The following PLCB4 variants were observed in gnomAD, a reference collection of about 807,000 sequenced individuals.
PLCB4 encodes the protein phospholipase C beta 4.
A neutral mutation model predicts 178.8 loss-of-function variants in PLCB4; 77 were observed. The ratio of observed to expected loss-of-function variants is 0.43; its 90% CI spans 0.36 to 0.52. The LOEUF is 0.52. PLCB4 is among the 20% of genes least tolerant of loss of function. The probability of loss-of-function intolerance (pLI) is 0.00; values close to 1 mark genes in which losing one functional copy is unlikely to be tolerated. For missense variants in PLCB4, 1,024 were observed against 1,453.4 expected (o/e 0.70, Z 4.80); for synonymous variants, 496 against 490.8 (o/e 1.01, Z -0.14).
rs145645171 is a variant in PLCB4 at position 9,389,853 on chromosome 20, A to G, written c.1159-26A>G. On this transcript the variant is annotated intron_variant, in intron 15 of 39. Coordinates refer to ENST00000378473, the MANE Select transcript of PLCB4 (RefSeq NM_001377142.1). ...CTTAATTTTTTTGCTCTTTTCTCTCATTAACGTTTTTTTTTGTTTTTAAAG... is the reference window on the plus strand; with the variant it reads ...CTTAATTTTTTTGCTCTTTTCTCTCGTTAACGTTTTTTTTTGTTTTTAAAG... The G allele has an allele frequency of 7.0e-4, 945 of 1,358,110 alleles. 6 individuals carry two copies. In the African/African-American group the frequency reaches 0.012, roughly 17 times the overall value. 84.1% of individuals were successfully genotyped at this position (1,358,110 alleles called of 1,614,324 possible).
chr20:9,092,853 G>T (rs1416424412), intron 1 of PLCB4, among the ~76,000 whole-genome samples: 1 of 152,098 alleles, frequency 6.6e-6, no homozygotes, highest in African/African-American at 2.4e-5. Flanking sequence ...CTTTCTCAGA[G>T]CTCTCTCTCT....
In PLCB4 at chr20:9,300,067, C is replaced by T. The variant is rs184792421; in HGVS notation, c.-15-7733C>T. Among the ~76,000 whole-genome samples, 714 of 152,032 alleles carry T rather than the reference C, an allele frequency of 4.7e-3. 4 individuals are homozygous for T. The highest frequency in any genetic ancestry group is 6.8e-3 in the Middle Eastern group (2 of 292). On this transcript the variant is annotated intron_variant, in intron 3 of 39. Transcript: ENST00000378473. ...ATTAGATTCTTACTGGAGGTAAAGC[C>T]ATTTATTTAAAAGCCCTGGATGATC...
At chr20:9,381,998 A>G (rs2037182471) in intron 13 of PLCB4, among the ~76,000 whole-genome samples, 1 of 152,164 alleles carries the variant, frequency 6.6e-6, no homozygotes, top group Non-Finnish European at 1.5e-5. Context: ...AGCTTACACT[A>G]CAGACTTGTA....
intron 2 of PLCB4, among the ~76,000 whole-genome samples, chr20:9,151,812 C>T (rs1300784221): frequency 6.6e-6 from 1 of 152,114 alleles, no homozygotes; most frequent in East Asian, 1.9e-4. Context: ...GTTTGAAGGG[C>T]TCAGAAGAAG....
chr20:9,301,896 T>C (rs1161755008), intron 3 of PLCB4, among the ~76,000 whole-genome samples: 1 of 151,976 alleles, frequency 6.6e-6, no homozygotes, highest in Non-Finnish European at 1.5e-5. Context: ...TGCGACTATT[T>C]AAAAGCCTTC....
intron 7 of PLCB4, among the ~76,000 whole-genome samples, chr20:9,348,222 A>G (rs1430461024): frequency 6.6e-6 from 1 of 152,174 alleles, no homozygotes; most frequent in Non-Finnish European, 1.5e-5. Context: ...TTAAAGGTTG[A>G]GAGATCCTGA....
intron 3 of PLCB4, among the ~76,000 whole-genome samples, chr20:9,300,446 C>A (rs1216191079): frequency 6.6e-6 from 1 of 152,124 alleles, no homozygotes; most frequent in Non-Finnish European, 1.5e-5. Flanking sequence ...CAAGTAGAAG[C>A]AAATGCTTTT....
At position 9,365,484 on chromosome 20, in the gene PLCB4, C is replaced by G; in HGVS notation, c.473C>G (p.Thr158Ser). The change falls in exon 9 of 40, where the codon ACC becomes AGC. Residue 158 changes from threonine to serine, a missense_variant. Transcript: ENST00000378473. ...KKHWMKLAFM[T>S]NTNGKIPVRS... ...AGCTGGATGAAATTGGCATTTATGA[C>G]CAACACAAATGGTAAAATTCCAGTT... 6.2e-7 allele frequency: 1 copy of G among 1,608,450 alleles called. No homozygotes were observed.
chr20:9,109,450 G>A (rs1226472305), intron 2 of PLCB4, among the ~76,000 whole-genome samples: 1 of 150,742 alleles, frequency 6.6e-6, no homozygotes, highest in Non-Finnish European at 1.5e-5. Context: ...ATGAGTGTGG[G>A]AAATAAATAA....
At chr20:9,072,063 A>G (rs904985219) in intron 1 of PLCB4, among the ~76,000 whole-genome samples, 1 of 152,214 alleles carries the variant, frequency 6.6e-6, no homozygotes, top group Admixed American at 6.5e-5. Context: ...GTTGCTTTTC[A>G]CCTCATAATA....
intron 4 of PLCB4, among the ~76,000 whole-genome samples, chr20:9,320,334 G>C (rs748381624): frequency 3.9e-5 from 6 of 152,184 alleles, no homozygotes; most frequent in South Asian, 2.1e-4. Context: ...CTTTTAGCAT[G>C]CTAATGCATT....
intron 22 of PLCB4, 23 bp from the exon 23 acceptor site, chr20:9,408,610 C>T: frequency 8.2e-7 from 1 of 1,212,678 alleles, no homozygotes; most frequent in African/African-American, 1.5e-5. Context: ...GTTCCTGAAT[C>T]CATCTTTGCT....
At chr20:9,440,661 T>C (rs773708837) in intron 30 of PLCB4, among the ~76,000 whole-genome samples, 1 of 152,096 alleles carries the variant, frequency 6.6e-6, no homozygotes, top group Non-Finnish European at 1.5e-5. Context: ...AGATTCCACA[T>C]ATTGATGGGA....
At chr20:9,275,973 C>A (rs1432408487) in intron 3 of PLCB4, among the ~76,000 whole-genome samples, 2 of 151,948 alleles carry the variant, frequency 1.3e-5, no homozygotes, top group Non-Finnish European at 2.9e-5. Flanking sequence ...TACTTTTAAC[C>A]ATACACTGCA....
chr20:9,345,855 T>C (rs941093905), intron 7 of PLCB4, among the ~76,000 whole-genome samples: 2 of 152,214 alleles, frequency 1.3e-5, no homozygotes, highest in African/African-American at 4.8e-5. Context: ...AAATATTATT[T>C]TAACAAATTG....
chr20:9,273,664 A>G, intron 3 of PLCB4, among the ~76,000 whole-genome samples: 1 of 139,794 alleles, frequency 7.2e-6, no homozygotes, highest in East Asian at 2.3e-4. Context: ...CAGACTGGTT[A>G]TTATGGTTGC....
intron 2 of PLCB4, among the ~76,000 whole-genome samples, chr20:9,174,995 GAAAT>G (rs1319832776): frequency 6.6e-6 from 1 of 152,154 alleles, no homozygotes; most frequent in African/African-American, 2.4e-5. Flanking sequence ...TGTAGCTAGT[GAAAT>G]AAATAGATTT....
At chr20:9,215,398 G>T (rs1395641194) in intron 2 of PLCB4, among the ~76,000 whole-genome samples, 1 of 152,122 alleles carries the variant, frequency 6.6e-6, no homozygotes, top group East Asian at 1.9e-4. Flanking sequence ...TGGGATTCTT[G>T]AATATTCAAC....
At position 9,449,145 on chromosome 20, in the gene PLCB4, T is replaced by C. The variant is rs189299639; in HGVS notation, c.2881-4202T>C. ...AGGGTAATGGTTTTTCAAGTGTCTA[T>C]TATATGAGACACAGAAAAAGGAGAA... is the stretch of plus-strand genomic sequence containing the variant. On this transcript the variant is annotated intron_variant, in intron 32 of 39. Transcript: ENST00000378473. Among the ~76,000 whole-genome samples the C allele has an allele frequency of 1.8e-4, 27 of 152,224 alleles. No homozygotes were observed. The East Asian group carries it at 3.5e-3, about 20-fold the overall frequency.
Sources: allele counts gnomAD v4.1 joint callset (sites outside exome capture counted in the v4.1 genomes callset), GRCh38; gene constraint gnomAD v4.1.1; transcripts MANE v1.5; gene names NCBI Gene and HGNC (gene_info 2026-07-23, HGNC 2026-07-21).